Variants in SETD7 observed in about 807,000 individuals in gnomAD.
The protein encoded by SETD7 is SET domain containing 7, histone lysine methyltransferase.
In SETD7, 16 loss-of-function variants were observed where a neutral mutation model predicts 41.8. The observed-to-expected ratio is 0.38, with a 90% confidence interval of 0.26 to 0.58. SETD7 has a LOEUF of 0.58. SETD7 is among the 20% of genes least tolerant of loss of function. The pLI, the probability that SETD7 is intolerant of heterozygous loss-of-function variation, is 0.64. For missense variants in SETD7, 346 were observed against 459.7 expected (o/e 0.75, Z 2.26); for synonymous variants, 163 against 169.7 (o/e 0.96, Z 0.31).
Position 139,506,403 on chromosome 4 carries a change from C to A in SETD7, c.*5260G>T, listed in dbSNP as rs1324693647. ...AGCATACCCCTGGCTTCTACTTCTT[C>A]AACATACCTCACAACCTAATAAATG... On this transcript the variant is annotated 3_prime_UTR_variant, in exon 8 of 8. Transcript: ENST00000274031. 1 of 152,646 alleles carries A rather than the reference C, an allele frequency of 6.6e-6. No individual in the cohort carries two copies. The highest frequency in any genetic ancestry group is 1.5e-5 in the Non-Finnish European group (1 of 68,044). The allele number at this position is 152,646 out of a possible 1,614,324, so 9.5% of individuals were successfully genotyped here.
At chr4:139,553,334 G>A (rs1316848177) in intron 1 of SETD7, among the ~76,000 whole-genome samples, 1 of 152,170 alleles carries the variant, frequency 6.6e-6, no homozygotes, top group Non-Finnish European at 1.5e-5. Flanking sequence ...GAGGACACAG[G>A]TTCTTTCTCC....
chr4:139,501,119 T>C (rs985914716), downstream of SETD7, among the ~76,000 whole-genome samples: 12 of 152,186 alleles, frequency 7.9e-5, no homozygotes, highest in Admixed American at 7.9e-4. Context: ...CTTTGTCCCA[T>C]ACCACTTACC....
At chr4:139,533,433 C>T (rs1727547972) in intron 2 of SETD7, 67 bp from the exon 3 acceptor site, 2 of 1,395,128 alleles carry the variant, frequency 1.4e-6, no homozygotes. Context: ...AAGAAAGGAT[C>T]ATATCCAAGG....
At chr4:139,517,849 C>A in intron 7 of SETD7, 36 bp downstream of exon 7, 1 of 1,591,072 alleles carries the variant, frequency 6.3e-7, no homozygotes, top group East Asian at 2.3e-5. Context: ...GGCCCTGAGG[C>A]ATAGATCCGC....
At chr4:139,495,425 A>T (rs1726435213), downstream of SETD7, among the ~76,000 whole-genome samples, 1 of 152,200 alleles carries the variant, frequency 6.6e-6, no homozygotes, top group Admixed American at 6.5e-5. Flanking sequence ...TGCCTTAAAG[A>T]TACTACCGGA....
At chr4:139,552,364 C>T (rs1426191165) in intron 1 of SETD7, among the ~76,000 whole-genome samples, 1 of 152,132 alleles carries the variant, frequency 6.6e-6, no homozygotes, top group African/African-American at 2.4e-5. Flanking sequence ...ATCATTCTTC[C>T]TCCATGTCTC....
At chr4:139,535,983 G>A (rs142393211) in intron 2 of SETD7, among the ~76,000 whole-genome samples, 3 of 152,318 alleles carry the variant, frequency 2.0e-5, no homozygotes, top group Admixed American at 2.0e-4. Context: ...AGAGGAGGCT[G>A]GCAAACTATG....
intron 1 of SETD7, among the ~76,000 whole-genome samples, chr4:139,549,692 A>G (rs1728057097): frequency 6.6e-6 from 1 of 152,122 alleles, no homozygotes; most frequent in African/African-American, 2.4e-5. Flanking sequence ...TGTAACCTCA[A>G]CTTGTAGGCT....
chr4:139,498,176 T>A (rs2874227), intron 7 of SETD7, among the ~76,000 whole-genome samples: 43 of 152,054 alleles, frequency 2.8e-4, no homozygotes, highest in African/African-American at 9.2e-4. Context: ...TAATGCTGAC[T>A]CTTTGACATC....
rs559979057 is a variant in SETD7 at position 139,533,000 on chromosome 4, TAGTG to T, written c.372+161_372+164del. ...TTCAAGGGCCAACAATCTAAGCCAA[TAGTG>T]AGTAACAGTGAGAGGGCATGCCTCA... On this transcript the variant is annotated intron_variant, in intron 3 of 7. Transcript: ENST00000274031. 67 of 634,976 alleles carry T rather than the reference TAGTG, an allele frequency of 1.1e-4. No individual in the cohort carries two copies. In the South Asian group the frequency reaches 1.2e-3, roughly 11 times the overall value. The allele number at this position is 634,976 out of a possible 1,614,324, so 39.3% of individuals were successfully genotyped here. A position where few individuals can be genotyped will look rare whatever the true frequency, so the allele number is the denominator to read the frequency against.
chr4:139,536,697 G>C (rs1403245506), intron 2 of SETD7, among the ~76,000 whole-genome samples: 1 of 150,126 alleles, frequency 6.7e-6, no homozygotes, highest in Admixed American at 6.6e-5. Context: ...GGGTGACAGC[G>C]AGACTCTGTC....
At chr4:139,532,782 C>T (rs895778913) in intron 3 of SETD7, 3 of 272,920 alleles carry the variant, frequency 1.1e-5, no homozygotes, top group African/African-American at 2.2e-5. Flanking sequence ...CTGGTTTTTA[C>T]ATATGAGAAA....
chr4:139,523,025 A>T (rs565828126), intron 5 of SETD7, among the ~76,000 whole-genome samples: 28 of 152,190 alleles, frequency 1.8e-4, no homozygotes, highest in African/African-American at 6.7e-4. Context: ...AAATGCTGGG[A>T]CTGCAGGCAT....
chr4:139,528,294 G>C (rs771041092), intron 4 of SETD7, among the ~76,000 whole-genome samples: 1 of 152,164 alleles, frequency 6.6e-6, no homozygotes, highest in Admixed American at 6.5e-5. Flanking sequence ...TGTGCTCCAC[G>C]CAAGATGTTG....
At chr4:139,501,605 T>TA (rs1459609536), downstream of SETD7, among the ~76,000 whole-genome samples, 27 of 137,574 alleles carry the variant, frequency 2.0e-4, no homozygotes, top group African/African-American at 9.1e-4. Flanking sequence ...AAAAAGGTAC[T>TA]CAAAAAAAAA....
chr4:139,527,184 A>G (rs534151210), intron 4 of SETD7, among the ~76,000 whole-genome samples: 1 of 152,234 alleles, frequency 6.6e-6, no homozygotes, highest in Non-Finnish European at 1.5e-5. Context: ...AGGGAATACC[A>G]TAGACAACAG....
chr4:139,538,911 G>C (rs976775017), intron 2 of SETD7, among the ~76,000 whole-genome samples: 1 of 152,042 alleles, frequency 6.6e-6, no homozygotes, highest in Non-Finnish European at 1.5e-5. Flanking sequence ...AATTTTTCCT[G>C]TTTTATCCAA....
At chr4:139,511,873 C>A in intron 7 of SETD7, 30 bp from the exon 8 acceptor site, 1 of 1,589,450 alleles carries the variant, frequency 6.3e-7, no homozygotes, top group South Asian at 1.1e-5. Flanking sequence ...CAGTCATTCC[C>A]GGGCCAGACC....
chr4:139,494,554 G>T (rs1726418542), downstream of SETD7, among the ~76,000 whole-genome samples: 1 of 152,206 alleles, frequency 6.6e-6, no homozygotes, highest in Admixed American at 6.5e-5. Flanking sequence ...CTGCCAAGCA[G>T]AATGATAAAG....
Sources: gnomAD v4.1 joint callset for allele counts (sites outside exome capture counted in the v4.1 genomes callset) on GRCh38, gnomAD v4.1.1 for gene constraint, MANE v1.5 for transcripts, NCBI Gene and HGNC (gene_info 2026-07-23, HGNC 2026-07-21) for gene names.